Variants in GRIN2B observed in about 807,000 individuals in gnomAD.
GRIN2B encodes the protein glutamate ionotropic receptor NMDA type subunit 2B, also known as glutamate receptor ionotropic, NMDA 2B.
GRIN2B carries 5 observed loss-of-function variants against 114.5 expected under a neutral mutation model. The observed-to-expected ratio is 0.04, with a 90% CI of 0.02 to 0.09. The LOEUF is 0.09. GRIN2B is among the 10% of genes least tolerant of loss of function. The probability of loss-of-function intolerance (pLI) is 1.00; values close to 1 mark genes in which losing one functional copy is unlikely to be tolerated. For missense variants in GRIN2B, 1,108 were observed against 1,943.5 expected, an observed-to-expected ratio of 0.57 and a Z score of 8.08; for synonymous variants, 787 against 745.1, an observed-to-expected ratio of 1.06 and a Z score of -0.92.
At chr12:13,680,895 C>T (rs1950124804) in intron 4 of GRIN2B, among the ~76,000 whole-genome samples, 1 of 152,124 alleles carries the variant, frequency 6.6e-6, no homozygotes, top group Non-Finnish European at 1.5e-5. Context: ...TGCTTGCCTG[C>T]TTGTTGAGAA....
intron 10 of GRIN2B, among the ~76,000 whole-genome samples, chr12:13,598,757 GGA>G (rs879370244): frequency 2.0e-5 from 3 of 152,078 alleles, no homozygotes; most frequent in Non-Finnish European, 4.4e-5. Flanking sequence ...CCAGCTGGTT[GGA>G]GAGAGTCCTA....
intron 4 of GRIN2B, among the ~76,000 whole-genome samples, chr12:13,727,582 G>T (rs1412301646): frequency 6.6e-6 from 1 of 152,158 alleles, no homozygotes; most frequent in Non-Finnish European, 1.5e-5. Flanking sequence ...CCTGCAAATT[G>T]TAAGAAATAT....
intron 2 of GRIN2B, among the ~76,000 whole-genome samples, chr12:13,901,030 T>C (rs1020755439): frequency 6.6e-6 from 1 of 152,194 alleles, no homozygotes; most frequent in African/African-American, 2.4e-5. Flanking sequence ...ACTGAAGTTC[T>C]CTAAGATTCA....
At chr12:13,782,049 T>C (rs770598188) in intron 3 of GRIN2B, among the ~76,000 whole-genome samples, 1 of 152,210 alleles carries the variant, frequency 6.6e-6, no homozygotes, top group Non-Finnish European at 1.5e-5. Flanking sequence ...TTAGCTCTTC[T>C]GTGTCTGTAG....
chr12:13,765,632 C>T (rs1027906659), intron 3 of GRIN2B, among the ~76,000 whole-genome samples: 1 of 152,228 alleles, frequency 6.6e-6, no homozygotes, highest in Non-Finnish European at 1.5e-5. Context: ...TAATTCATTT[C>T]TTATAGTTCT....
intron 3 of GRIN2B, among the ~76,000 whole-genome samples, chr12:13,839,273 G>C (rs565610361): frequency 6.6e-6 from 1 of 152,168 alleles, no homozygotes; most frequent in Non-Finnish European, 1.5e-5. Flanking sequence ...CAGAACAAGG[G>C]AGACAGGTTG....
At chr12:13,880,225 T>C (rs547969093) in intron 2 of GRIN2B, among the ~76,000 whole-genome samples, 1 of 152,162 alleles carries the variant, frequency 6.6e-6, no homozygotes, top group Non-Finnish European at 1.5e-5. Context: ...ACCGAGGGTA[T>C]CTGAGGAAAG....
At chr12:13,908,666 C>T (rs1331883182) in intron 2 of GRIN2B, among the ~76,000 whole-genome samples, 1 of 152,138 alleles carries the variant, frequency 6.6e-6, no homozygotes, top group Non-Finnish European at 1.5e-5. Context: ...CAATGTTAAT[C>T]TCCTTCCCTA....
intron 2 of GRIN2B, among the ~76,000 whole-genome samples, chr12:13,978,635 A>G (rs768876227): frequency 2.0e-5 from 3 of 152,226 alleles, no homozygotes; most frequent in Non-Finnish European, 2.9e-5. Context: ...TAATACTTTT[A>G]GGAAAAATAA....
At chr12:13,877,545 C>T (rs1010104929) in intron 2 of GRIN2B, among the ~76,000 whole-genome samples, 1 of 152,168 alleles carries the variant, frequency 6.6e-6, no homozygotes, top group African/African-American at 2.4e-5. Context: ...TTTAGTTGTT[C>T]TTGCCTTCCT....
chr12:13,680,435 GTTGTGTGTGTGTGTGT>G (rs1403588961), intron 4 of GRIN2B, among the ~76,000 whole-genome samples: 5 of 116,460 alleles, frequency 4.3e-5, no homozygotes, highest in South Asian at 5.8e-4. Flanking sequence ...TCCCATCAAG[GTTGTGTGTGTGTGTGT>G]GTGTGTGTGT....
At chr12:13,671,060 G>A (rs1000918490) in intron 5 of GRIN2B, among the ~76,000 whole-genome samples, 12 of 152,152 alleles carry the variant, frequency 7.9e-5, no homozygotes, top group Admixed American at 7.2e-4. Flanking sequence ...CAGAGACTGG[G>A]AACAGCATTG....
At chr12:13,964,102 A>C (rs1009806502) in intron 2 of GRIN2B, among the ~76,000 whole-genome samples, 1 of 152,212 alleles carries the variant, frequency 6.6e-6, no homozygotes, top group African/African-American at 2.4e-5. Flanking sequence ...GAGGTGGCTA[A>C]CATAGTAGAC....
intron 5 of GRIN2B, among the ~76,000 whole-genome samples, chr12:13,656,291 T>C (rs1949862670): frequency 6.6e-6 from 1 of 152,120 alleles, no homozygotes; most frequent in South Asian, 2.1e-4. Context: ...AAGAGACAAA[T>C]GGTCACACGT....
rs118125628 is a variant in GRIN2B at position 13,886,698 on chromosome 12, C to G, written c.-18-20472G>C. On this transcript the variant is annotated intron_variant, in intron 2 of 13. Transcript: ENST00000609686. ...CTGCCCAATACTCACCCACCACCCT[C>G]CCCAGTTCCTCTTGAGGGCCATACT... is the stretch of plus-strand genomic sequence containing the variant. Among the ~76,000 whole-genome samples, 62 of 152,282 alleles carry G rather than the reference C, an allele frequency of 4.1e-4. No homozygotes were observed. The East Asian group carries it at 9.8e-3, about 24-fold the overall frequency.
chr12:13,730,959 C>A (rs999966347), intron 4 of GRIN2B, among the ~76,000 whole-genome samples: 1 of 152,130 alleles, frequency 6.6e-6, no homozygotes, highest in African/African-American at 2.4e-5. Flanking sequence ...AGCTGACCAC[C>A]ACAATCCTCC....
At chr12:13,568,219 G>T (rs1462566386) in intron 12 of GRIN2B, among the ~76,000 whole-genome samples, 1 of 152,152 alleles carries the variant, frequency 6.6e-6, no homozygotes, top group East Asian at 1.9e-4. Flanking sequence ...GTAGGAGGAA[G>T]TAGGAAGAGG....
intron 4 of GRIN2B, among the ~76,000 whole-genome samples, chr12:13,686,933 C>CT (rs962303024): frequency 2.6e-5 from 4 of 152,098 alleles, no homozygotes; most frequent in Non-Finnish European, 2.9e-5. Context: ...GGATAAGTTC[C>CT]TTCTTTATCA....
chr12:13,771,495 A>C (rs981183755), intron 3 of GRIN2B, among the ~76,000 whole-genome samples: 3 of 152,332 alleles, frequency 2.0e-5, no homozygotes, highest in East Asian at 3.9e-4. Flanking sequence ...AAAAAAAAAG[A>C]ACTGGATTTG....
Sources: allele counts gnomAD v4.1 joint callset (sites outside exome capture counted in the v4.1 genomes callset), GRCh38; gene constraint gnomAD v4.1.1; transcripts MANE v1.5; gene names NCBI Gene and HGNC (gene_info 2026-07-23, HGNC 2026-07-21).